Variants in AUH observed in about 807,000 individuals in gnomAD.
AUH encodes the protein AU RNA binding methylglutaconyl-CoA hydratase.
AUH carries 29 observed loss-of-function variants against 42.3 expected under a neutral mutation model. The ratio of observed to expected loss-of-function variants is 0.69; its 90% CI spans 0.51 to 0.93. The LOEUF (loss-of-function observed/expected upper bound fraction) is 0.93. Among genes scored for constraint, AUH ranks in the 40% least tolerant of loss-of-function variants. The pLI, the probability that AUH is intolerant of heterozygous loss-of-function variation, is 0.00. For missense variants in AUH, 452 were observed against 438.1 expected (o/e 1.03, Z -0.28); for synonymous variants, 174 against 166.4 (o/e 1.05, Z -0.35).
intron 4 of AUH, among the ~76,000 whole-genome samples, chr9:91,315,657 G>C (rs911287639): frequency 2.1e-4 from 32 of 152,228 alleles, no homozygotes; most frequent in African/African-American, 7.7e-4. Flanking sequence ...CAAGATAGAT[G>C]AATCTTCTAA....
intron 1 of AUH, among the ~76,000 whole-genome samples, chr9:91,357,102 C>G (rs548867144): frequency 6.6e-6 from 1 of 152,332 alleles, no homozygotes; most frequent in South Asian, 2.1e-4. Context: ...ATTCCAAATG[C>G]TCTCAGTACA....
chr9:91,214,300 C>G lies in AUH; in HGVS notation c.*48G>C, dbSNP rs369285903. ...CATATAGTGGATCCGAAAGACACTTCCAGGAAGTACATTTATTACATTGGC... is the reference window on the plus strand; with the variant it reads ...CATATAGTGGATCCGAAAGACACTTGCAGGAAGTACATTTATTACATTGGC... On this transcript the variant is annotated 3_prime_UTR_variant, in exon 10 of 10. Transcript: ENST00000375731. 4.6e-6 allele frequency: 7 copies of G among 1,506,238 alleles called. No individual in the cohort carries two copies. The African/African-American group carries it at 9.7e-5, about 21-fold the overall frequency. The allele number at this position is 1,506,238 out of a possible 1,614,324, so 93.3% of individuals were successfully genotyped here.
rs1050596244 is a variant in AUH, at chr9:91,290,220, A to G, written c.655+5801T>C. Among the ~76,000 whole-genome samples the G allele has an allele frequency of 2.0e-5, 3 of 152,322 alleles. No individual in the cohort carries two copies. In the South Asian group the frequency reaches 6.2e-4, roughly 32 times the overall value. ...TGCTTGAGGCCAGAAGTTCAAGACC[A>G]GCTTGGGCAACATAGTGAGACCCTG... On this transcript the variant is annotated intron_variant, in intron 6 of 9. Coordinates refer to ENST00000375731, the MANE Select transcript of AUH (RefSeq NM_001698.3).
At chr9:91,222,454 C>T (rs992005787) in intron 6 of AUH, among the ~76,000 whole-genome samples, 17 of 152,096 alleles carry the variant, frequency 1.1e-4, no homozygotes, top group African/African-American at 3.6e-4. Context: ...ATAATGCTAC[C>T]GCAAAATGCA....
intron 6 of AUH, among the ~76,000 whole-genome samples, chr9:91,272,503 A>G (rs1825223992): frequency 6.6e-6 from 1 of 152,184 alleles, no homozygotes; most frequent in Non-Finnish European, 1.5e-5. Flanking sequence ...CATTCGGCCC[A>G]GCAGAAATGG....
intron 4 of AUH, among the ~76,000 whole-genome samples, chr9:91,310,985 G>A (rs1828660330): frequency 6.6e-6 from 1 of 152,130 alleles, no homozygotes; most frequent in African/African-American, 2.4e-5. Flanking sequence ...AAATTCAAAT[G>A]TATCCCAATT....
At chr9:91,275,755 A>G (rs1318665738) in intron 6 of AUH, among the ~76,000 whole-genome samples, 1 of 152,220 alleles carries the variant, frequency 6.6e-6, no homozygotes, top group African/African-American at 2.4e-5. Flanking sequence ...GCTAGTGATC[A>G]AGTGTAATTA....
chr9:91,311,886 C>T (rs1160586661), intron 4 of AUH, among the ~76,000 whole-genome samples: 1 of 152,196 alleles, frequency 6.6e-6, no homozygotes, highest in African/African-American at 2.4e-5. Context: ...AATCAGTTTA[C>T]TGCTTCTAAT....
chr9:91,291,963 C>A (rs1826936223), intron 6 of AUH, among the ~76,000 whole-genome samples: 3 of 143,478 alleles, frequency 2.1e-5, no homozygotes, highest in Non-Finnish European at 4.5e-5. Context: ...AGGAAGGTTA[C>A]TATAACATGC....
At chr9:91,296,783 G>T (rs920740249) in intron 5 of AUH, among the ~76,000 whole-genome samples, 5 of 152,120 alleles carry the variant, frequency 3.3e-5, no homozygotes, top group Admixed American at 6.5e-5. Context: ...TGAAAAGGAG[G>T]AAAAAGGACA....
chr9:91,355,917 T>C lies in AUH; in HGVS notation c.384A>G (p.Ile128Met). Residue 128 changes from isoleucine (I) to methionine (M), a missense_variant, in exon 3 of 10, where the codon ATA (isoleucine) becomes ATG (methionine). Coordinates refer to ENST00000375731, the MANE Select transcript of AUH (RefSeq NM_001698.3). ...LKSDKKVRTI[I>M]IRSEVPGIFC... ...ATATCCCTGGGACTTCACTCCTGATTATTATGGTCCGTACTTTCTTATCAG... is the reference window on the plus strand; with the variant it reads ...ATATCCCTGGGACTTCACTCCTGATCATTATGGTCCGTACTTTCTTATCAG... 6.2e-7 allele frequency: 1 copy of C among 1,613,418 alleles called. No homozygotes were observed. Among genetic ancestry groups the C allele is most frequent in the South Asian group, 1.1e-5 (1 of 91,058 alleles).
At chr9:91,217,176 T>A in intron 8 of AUH, 101 bp downstream of exon 8, 1 of 1,256,140 alleles carries the variant, frequency 8.0e-7, no homozygotes. Flanking sequence ...AACAACCATA[T>A]TTTAGAACTT....
At chr9:91,276,254 C>A (rs987634292) in intron 6 of AUH, among the ~76,000 whole-genome samples, 86 of 152,098 alleles carry the variant, frequency 5.7e-4, no homozygotes, top group African/African-American at 2.0e-3. Flanking sequence ...CATGGTGAAA[C>A]CCTATCTCTA....
At chr9:91,276,663 T>G (rs1825569092) in intron 6 of AUH, among the ~76,000 whole-genome samples, 1 of 152,096 alleles carries the variant, frequency 6.6e-6, no homozygotes, top group South Asian at 2.1e-4. Context: ...AACACTAAAC[T>G]TTTTTTAAAA....
At chr9:91,313,351 C>T (rs1407753336) in intron 4 of AUH, among the ~76,000 whole-genome samples, 1 of 152,172 alleles carries the variant, frequency 6.6e-6, no homozygotes, top group Non-Finnish European at 1.5e-5. Context: ...CCATGAACAT[C>T]CACTGGCCAA....
chr9:91,332,610 G>A (rs867891704), intron 3 of AUH, among the ~76,000 whole-genome samples: 14 of 152,168 alleles, frequency 9.2e-5, no homozygotes, highest in African/African-American at 1.7e-4. Flanking sequence ...AAATGGTTGC[G>A]GCTTGTGCCA....
At chr9:91,217,249 A>G (rs767302239) in intron 8 of AUH, 28 bp downstream of exon 8, 17 of 1,607,842 alleles carry the variant, frequency 1.1e-5, no homozygotes, top group Middle Eastern at 1.6e-4. Context: ...TCCATTCCCA[A>G]AACAAACTCA....
At chr9:91,348,796 C>T (rs949042592) in intron 3 of AUH, among the ~76,000 whole-genome samples, 2 of 152,128 alleles carry the variant, frequency 1.3e-5, no homozygotes, top group Non-Finnish European at 2.9e-5. Context: ...TTTTAAGTAA[C>T]GAATATGTTC....
intron 6 of AUH, among the ~76,000 whole-genome samples, chr9:91,257,368 C>T (rs1301507770): frequency 6.6e-6 from 1 of 151,550 alleles, no homozygotes; most frequent in Non-Finnish European, 1.5e-5. Flanking sequence ...GGAGCGGTGG[C>T]ACCAACAGAA....
Sources: gnomAD v4.1 joint callset for allele counts (sites outside exome capture counted in the v4.1 genomes callset) on GRCh38, gnomAD v4.1.1 for gene constraint, MANE v1.5 for transcripts, NCBI Gene and HGNC (gene_info 2026-07-23, HGNC 2026-07-21) for gene names.